The following EPHB1 variants were observed in gnomAD, a reference collection of about 807,000 sequenced individuals.
EPHB1 encodes the protein EPH receptor B1.
In EPHB1, 30 loss-of-function variants were observed where a neutral mutation model predicts 94.4. The observed-to-expected ratio is 0.32, with a 90% CI of 0.24 to 0.43. The LOEUF is 0.43. Ranked by LOEUF, EPHB1 falls within the 20% of genes least tolerant of loss-of-function variation. EPHB1 has a pLI of 1.00. For synonymous variants in EPHB1, 522 were observed against 489.1 expected (o/e 1.07, Z -0.89); for missense variants, 1,055 against 1,308.3 (o/e 0.81, Z 2.99).
At position 134,959,885 on chromosome 3, in the gene EPHB1, C is replaced by T. The variant is rs117538588; in HGVS notation, c.805+7833C>T. Among the ~76,000 whole-genome samples, 28 of 147,634 alleles carry T rather than the reference C, an allele frequency of 1.9e-4. No homozygotes were observed. The East Asian group carries it at 6.3e-3, about 33-fold the overall frequency. ...CAGCTCAGTCAGGGCTGTTGTCAGACTTATCCTTTGCTTTTGGTCCCCATC... is the reference window on the plus strand; with the variant it reads ...CAGCTCAGTCAGGGCTGTTGTCAGATTTATCCTTTGCTTTTGGTCCCCATC... On this transcript the variant is annotated intron_variant, in intron 3 of 15. Transcript: ENST00000398015.
intron 1 of EPHB1, among the ~76,000 whole-genome samples, chr3:134,880,973 A>G (rs1245193588): frequency 1.3e-5 from 2 of 152,180 alleles, no homozygotes; most frequent in African/African-American, 4.8e-5. Context: ...AGTGAATAAA[A>G]TTGTTTCTCA....
intron 3 of EPHB1, among the ~76,000 whole-genome samples, chr3:134,966,642 T>G (rs1933757575): frequency 6.6e-6 from 1 of 152,258 alleles, no homozygotes; most frequent in Admixed American, 6.5e-5. Flanking sequence ...GGCAGGGAGC[T>G]TGCCCATGCA....
intron 4 of EPHB1, among the ~76,000 whole-genome samples, chr3:135,120,846 A>T (rs190585291): frequency 5.3e-4 from 80 of 152,288 alleles, no homozygotes; most frequent in Admixed American, 3.7e-3. Flanking sequence ...ATGGAAAATT[A>T]TGACAACTAG....
intron 3 of EPHB1, among the ~76,000 whole-genome samples, chr3:134,958,451 A>G (rs1020231705): frequency 7.6e-6 from 1 of 130,794 alleles, no homozygotes. Context: ...TGTGTGTGTG[A>G]GGCCTCAGTG....
chr3:134,971,116 G>A (rs778230470), intron 3 of EPHB1, among the ~76,000 whole-genome samples: 71 of 152,198 alleles, frequency 4.7e-4, no homozygotes, highest in Non-Finnish European at 2.6e-4. Context: ...TAGAATGGAA[G>A]CTTTCAACTG....
rs563354987 is a variant in EPHB1 at position 134,985,392 on chromosome 3, G to A, written c.805+33340G>A. On this transcript the variant is annotated intron_variant, in intron 3 of 15. Coordinates refer to ENST00000398015, the MANE Select transcript of EPHB1 (RefSeq NM_004441.5). ...TAGGCTGGTTGGAACTCCTGACCTC[G>A]AGTGATCTGCCCACCTCAGCCTCCC... 7.9e-5 allele frequency among the ~76,000 whole-genome samples: 12 copies of A among 152,214 alleles called. No homozygotes were observed. In the South Asian group the frequency reaches 1.0e-3, roughly 13 times the overall value.
chr3:135,162,764 T>C (rs1941545390), intron 7 of EPHB1, among the ~76,000 whole-genome samples: 1 of 152,096 alleles, frequency 6.6e-6, no homozygotes, highest in African/African-American at 2.4e-5. Context: ...TACCTTTGGG[T>C]TTTATTAGTT....
At chr3:134,808,088 A>C (rs2036103882) in intron 1 of EPHB1, among the ~76,000 whole-genome samples, 1 of 152,194 alleles carries the variant, frequency 6.6e-6, no homozygotes, top group Non-Finnish European at 1.5e-5. Context: ...AAAGTAGAGA[A>C]TGGATCTGCA....
chr3:135,132,633 A>G, intron 4 of EPHB1, 81 bp from the exon 5 acceptor site: 2 of 1,308,200 alleles, frequency 1.5e-6, no homozygotes, highest in Admixed American at 2.6e-5. Flanking sequence ...GAGGTTGGGA[A>G]TGCACCAGAG....
intron 3 of EPHB1, among the ~76,000 whole-genome samples, chr3:134,988,853 A>G (rs1934695820): frequency 6.6e-6 from 1 of 152,194 alleles, no homozygotes; most frequent in Admixed American, 6.5e-5. Flanking sequence ...AAATAGAGAA[A>G]CTGGTGGGTG....
At chr3:135,034,647 G>A (rs769493250) in intron 3 of EPHB1, among the ~76,000 whole-genome samples, 1 of 152,224 alleles carries the variant, frequency 6.6e-6, no homozygotes, top group Non-Finnish European at 1.5e-5. Flanking sequence ...AGTCACAGCC[G>A]CAGGGACTCT....
At chr3:135,237,958 C>T (rs553583224) in intron 12 of EPHB1, among the ~76,000 whole-genome samples, 1 of 152,204 alleles carries the variant, frequency 6.6e-6, no homozygotes, top group Non-Finnish European at 1.5e-5. Context: ...TCCTTTTCTT[C>T]TGCTTCCCTC....
At chr3:134,891,131 G>A (rs950739668) in intron 1 of EPHB1, among the ~76,000 whole-genome samples, 5 of 151,910 alleles carry the variant, frequency 3.3e-5, no homozygotes, top group African/African-American at 1.2e-4. Flanking sequence ...TTTAAGACAG[G>A]GTCTTACTGC....
intron 1 of EPHB1, among the ~76,000 whole-genome samples, chr3:134,805,318 G>A (rs2036020876): frequency 1.3e-5 from 2 of 152,188 alleles, no homozygotes; most frequent in South Asian, 4.1e-4. Flanking sequence ...AAACTAGATG[G>A]CAAGGAACAA....
At chr3:134,997,465 T>C (rs2107740904) in intron 3 of EPHB1, among the ~76,000 whole-genome samples, 1 of 152,340 alleles carries the variant, frequency 6.6e-6, no homozygotes, top group South Asian at 2.1e-4. Flanking sequence ...ACATTCTATT[T>C]TAGGAATCTT....
chr3:134,946,290 G>A (rs1185289037), intron 2 of EPHB1, among the ~76,000 whole-genome samples: 1 of 152,094 alleles, frequency 6.6e-6, no homozygotes, highest in African/African-American at 2.4e-5. Context: ...TAACTCATCA[G>A]CGACTTCTAG....
At position 135,061,373 on chromosome 3, in the gene EPHB1, C is replaced by CCA. The variant is rs1553727858; in HGVS notation, c.806-45074_806-45073insAC. Among the ~76,000 whole-genome samples the CCA allele has an allele frequency of 2.4e-4, 33 of 135,942 alleles. 1 individual carries two copies. In the South Asian group the frequency reaches 9.0e-3, roughly 37 times the overall value. 89.2% of individuals were successfully genotyped at this position (135,942 alleles called of 152,430 possible). ...GCTCCCACTTAGGAATGACCACCCC[C>CCA]CCCGACCCAAGTCCCCAAAGTCCAT... On this transcript the variant is annotated intron_variant, in intron 3 of 15. Transcript: ENST00000398015.
intron 2 of EPHB1, among the ~76,000 whole-genome samples, chr3:134,947,322 C>A (rs1279553368): frequency 7.9e-5 from 12 of 152,098 alleles, no homozygotes; most frequent in Admixed American, 7.2e-4. Context: ...TTTCTTCGAC[C>A]CCCCCAGTTC....
chr3:135,133,015 G>A lies in EPHB1; in HGVS notation c.1263G>A (p.Gln421=), dbSNP rs750147485. The change falls in exon 5 of 16, where the codon CAG becomes CAA. Residue 421 remains glutamine (Q), a synonymous_variant. Coordinates refer to ENST00000398015, the MANE Select transcript of EPHB1 (RefSeq NM_004441.5). The stretch of plus-strand genomic sequence containing the variant: ...CCAGCAAGAGTCCCTTCCCCCCACA[G>A]CACGTCTCTGTCAACATCACCACAA... ...GVSSKSPFPP[Q]HVSVNITTNQ... 7 of 1,602,546 alleles carry A rather than the reference G, an allele frequency of 4.4e-6. No individual in the cohort carries two copies. In the South Asian group the frequency reaches 5.5e-5, roughly 13 times the overall value.
Sources: allele counts gnomAD v4.1 joint callset (sites outside exome capture counted in the v4.1 genomes callset), GRCh38; gene constraint gnomAD v4.1.1; transcripts MANE v1.5; gene names NCBI Gene and HGNC (gene_info 2026-07-23, HGNC 2026-07-21).